Variants in TPD52 observed in about 807,000 individuals in gnomAD.
TPD52 encodes tumor protein D52.
In TPD52, 17 loss-of-function variants were observed where a neutral mutation model predicts 31.3. The ratio of observed to expected loss-of-function variants is 0.54; its 90% CI spans 0.37 to 0.82. The LOEUF is 0.82. TPD52 is among the 40% of genes least tolerant of loss of function. TPD52 has a pLI of 0.00. For synonymous variants in TPD52, 83 were observed against 89.6 expected (o/e 0.93, Z 0.42); for missense variants, 212 against 240.1 (o/e 0.88, Z 0.77).
At chr8:80,079,386 T>A (rs925440412) in intron 1 of TPD52, among the ~76,000 whole-genome samples, 1 of 152,196 alleles carries the variant, frequency 6.6e-6, no homozygotes, top group African/African-American at 2.4e-5. Context: ...TGGGGAAAGA[T>A]GGCTACCAGG....
intron 1 of TPD52, among the ~76,000 whole-genome samples, chr8:80,126,416 G>A (rs973542747): frequency 2.1e-5 from 3 of 143,996 alleles, no homozygotes; most frequent in African/African-American, 7.7e-5. Flanking sequence ...TTTTAATTAC[G>A]CATCATTTCT....
intron 1 of TPD52, among the ~76,000 whole-genome samples, chr8:80,139,190 AG>A (rs2131131643): frequency 6.6e-6 from 1 of 152,310 alleles, no homozygotes; most frequent in East Asian, 1.9e-4. Flanking sequence ...CAGGGAGGGG[AG>A]AAAATAAGGG....
intron 1 of TPD52, among the ~76,000 whole-genome samples, chr8:80,154,752 CAA>C (rs375987876): frequency 1.4e-5 from 2 of 139,468 alleles, no homozygotes; most frequent in African/African-American, 2.8e-5. Context: ...CACACACACA[CAA>C]AACACCTACA....
intron 1 of TPD52, among the ~76,000 whole-genome samples, chr8:80,088,900 T>C (rs1303732652): frequency 6.6e-6 from 1 of 152,146 alleles, no homozygotes; most frequent in African/African-American, 2.4e-5. Context: ...TTTCACTGCA[T>C]TAGCCAGGAT....
Position 80,037,889 on chromosome 8 carries a change from G to A in TPD52, c.*227C>T. ...CATTTACTATAAGTGTTTTTATAATGGTGTTTCCTAAATAAAGGAACATAA... is the reference window on the plus strand; with the variant it reads ...CATTTACTATAAGTGTTTTTATAATAGTGTTTCCTAAATAAAGGAACATAA... On this transcript the variant is annotated 3_prime_UTR_variant, in exon 8 of 8. Transcript: ENST00000518937. The A allele has an allele frequency of 6.9e-6, 3 of 436,900 alleles. No individual in the cohort carries two copies. Among genetic ancestry groups the A allele is most frequent in the Non-Finnish European group, 1.2e-5 (3 of 249,188 alleles). The allele number at this position is 436,900 out of a possible 1,614,324, so 27.1% of individuals were successfully genotyped here.
intron 1 of TPD52, among the ~76,000 whole-genome samples, chr8:80,166,433 T>C (rs1005658416): frequency 6.6e-6 from 1 of 151,676 alleles, no homozygotes; most frequent in Non-Finnish European, 1.5e-5. Context: ...GGTTTCTCCA[T>C]GTTGGTCAGG....
chr8:80,053,206 TC>T (rs1305368419), intron 3 of TPD52, 75 bp downstream of exon 3: 10 of 1,488,796 alleles, frequency 6.7e-6, no homozygotes, highest in Non-Finnish European at 9.0e-6. Context: ...ATCCTCTTTT[TC>T]TTCCCCTCTC....
intron 1 of TPD52, among the ~76,000 whole-genome samples, chr8:80,130,622 A>G (rs1391752279): frequency 6.6e-6 from 1 of 152,206 alleles, no homozygotes; most frequent in Non-Finnish European, 1.5e-5. Context: ...AGAAATCACA[A>G]CAAGATACTA....
At chr8:80,160,667 C>T (rs1811283141) in intron 1 of TPD52, among the ~76,000 whole-genome samples, 1 of 151,968 alleles carries the variant, frequency 6.6e-6, no homozygotes, top group African/African-American at 2.4e-5. Flanking sequence ...ACTGCTTGCC[C>T]TTCTGAAATG....
At chr8:80,134,494 G>A (rs1809251123) in intron 1 of TPD52, among the ~76,000 whole-genome samples, 1 of 152,200 alleles carries the variant, frequency 6.6e-6, no homozygotes, top group South Asian at 2.1e-4. Flanking sequence ...TCCAAGTCAT[G>A]CAGGCCACTG....
intron 1 of TPD52, among the ~76,000 whole-genome samples, chr8:80,170,093 C>G (rs1432163742): frequency 6.6e-6 from 1 of 152,120 alleles, no homozygotes; most frequent in Non-Finnish European, 1.5e-5. Context: ...CTGAAAGACT[C>G]CAAAGAGTCT....
chr8:80,068,766 T>G (rs2130728444), intron 1 of TPD52, among the ~76,000 whole-genome samples: 1 of 152,232 alleles, frequency 6.6e-6, no homozygotes, highest in East Asian at 1.9e-4. Flanking sequence ...AGTTCTAGTG[T>G]CTCAGGGGTA....
chr8:80,049,148 C>T (rs1157674540), intron 5 of TPD52, among the ~76,000 whole-genome samples: 2 of 152,168 alleles, frequency 1.3e-5, no homozygotes, highest in Non-Finnish European at 2.9e-5. Flanking sequence ...GTTTGCATCA[C>T]ATCGAACATT....
Position 80,115,417 on chromosome 8 carries a change from G to A in TPD52, c.20-50824C>T, listed in dbSNP as rs1807796853. On this transcript the variant is annotated intron_variant, in intron 1 of 7. Coordinates refer to ENST00000518937, the MANE Select transcript of TPD52 (RefSeq NM_001025253.3). ...ACCTACAGAGAGATGACGAAAAGCA[G>A]AGCAAGAGAGCAGAAGCTATAAGGC... is the stretch of plus-strand genomic sequence containing the variant. 3.3e-5 allele frequency among the ~76,000 whole-genome samples: 5 copies of A among 152,338 alleles called. 1 individual carries two copies. The Middle Eastern group carries it at 0.017, about 518-fold the overall frequency.
chr8:80,118,852 C>T (rs190416855), intron 1 of TPD52, among the ~76,000 whole-genome samples: 32 of 152,284 alleles, frequency 2.1e-4, no homozygotes, highest in Admixed American at 1.6e-3. Context: ...TTCAGAAAAC[C>T]GTCTAGCATT....
chr8:80,065,232 T>C (rs1048304278), intron 1 of TPD52, among the ~76,000 whole-genome samples: 1 of 151,404 alleles, frequency 6.6e-6, no homozygotes, highest in African/African-American at 2.4e-5. Flanking sequence ...AGCCATCATA[T>C]ATATATATGA....
chr8:80,055,656 TA>T (rs1811798027), intron 2 of TPD52, among the ~76,000 whole-genome samples: 1 of 152,182 alleles, frequency 6.6e-6, no homozygotes, highest in African/African-American at 2.4e-5. Context: ...AAGGGACTAA[TA>T]TCCAAAATAT....
chr8:80,062,175 T>C (rs1011524488), intron 2 of TPD52, among the ~76,000 whole-genome samples: 7 of 152,234 alleles, frequency 4.6e-5, no homozygotes, highest in African/African-American at 1.4e-4. Context: ...ACTACAAAGC[T>C]ATAGTAATCA....
intron 1 of TPD52, chr8:80,119,926 T>C: frequency 2.8e-6 from 1 of 353,082 alleles, no homozygotes; most frequent in Non-Finnish European, 5.5e-6. Flanking sequence ...ATTAAAATGT[T>C]AGAAAAACTA....
Sources: gnomAD v4.1 joint callset for allele counts (sites outside exome capture counted in the v4.1 genomes callset) on GRCh38, gnomAD v4.1.1 for gene constraint, MANE v1.5 for transcripts, NCBI Gene and HGNC (gene_info 2026-07-23, HGNC 2026-07-21) for gene names.